The following ARHGEF3 variants were observed in gnomAD, a reference collection of about 807,000 sequenced individuals.
ARHGEF3 encodes the protein 59.8 kDA protein.
In ARHGEF3, 28 loss-of-function variants were observed where a neutral mutation model predicts 63.2. That is an observed-to-expected ratio of 0.44 (90% CI 0.33 to 0.61). The LOEUF is 0.61. Ranked by LOEUF, ARHGEF3 falls within the 20% of genes least tolerant of loss-of-function variation. The pLI, the probability that ARHGEF3 is intolerant of heterozygous loss-of-function variation, is 0.03. For missense variants in ARHGEF3, 533 were observed against 659.3 expected, an observed-to-expected ratio of 0.81 and a Z score of 2.10; for synonymous variants, 266 against 254.2, an observed-to-expected ratio of 1.05 and a Z score of -0.44.
chr3:56,912,391 T>C (rs191380360), intron 3 of ARHGEF3, among the ~76,000 whole-genome samples: 8 of 152,322 alleles, frequency 5.3e-5, no homozygotes, highest in Admixed American at 2.0e-4. Flanking sequence ...TTGCACATAA[T>C]AGGAGATCTG....
chr3:56,984,951 G>T (rs1701475492), intron 2 of ARHGEF3, among the ~76,000 whole-genome samples: 1 of 152,196 alleles, frequency 6.6e-6, no homozygotes, highest in South Asian at 2.1e-4. Flanking sequence ...TACCCTTCCA[G>T]ATACTGGAAA....
At chr3:57,016,275 G>A (rs1217170023) in intron 2 of ARHGEF3, among the ~76,000 whole-genome samples, 3 of 151,996 alleles carry the variant, frequency 2.0e-5, no homozygotes, top group East Asian at 1.9e-4. Flanking sequence ...TGACAAAAAC[G>A]GCCAGGCGCA....
chr3:56,749,140 G>T (rs917264056), intron 6 of ARHGEF3, among the ~76,000 whole-genome samples: 2 of 152,072 alleles, frequency 1.3e-5, no homozygotes, highest in Admixed American at 1.3e-4. Context: ...ATAAATAAGG[G>T]CCATTTCTCA....
chr3:57,074,233 T>C (rs766613348), intron 1 of ARHGEF3: 17 of 1,613,902 alleles, frequency 1.1e-5, no homozygotes, highest in Admixed American at 6.7e-5. Context: ...CTCTCTACAG[T>C]ATACTCCAAC....
intron 1 of ARHGEF3, among the ~76,000 whole-genome samples, chr3:56,799,029 TAAAGA>T (rs1244787895): frequency 6.6e-6 from 1 of 152,230 alleles, no homozygotes; most frequent in Non-Finnish European, 1.5e-5. Context: ...ATAGATCTTT[TAAAGA>T]AAATAAAAAT....
chr3:57,042,684 A>ATTTTT (rs1704258131), intron 1 of ARHGEF3, among the ~76,000 whole-genome samples: 4 of 9,866 alleles, frequency 4.1e-4, no homozygotes, highest in Non-Finnish European at 6.6e-4. Context: ...ATATATATAT[A>ATTTTT]TATATATATA....
chr3:56,956,485 C>G (rs1024883640), intron 3 of ARHGEF3, among the ~76,000 whole-genome samples: 1 of 152,190 alleles, frequency 6.6e-6, no homozygotes, highest in African/African-American at 2.4e-5. Flanking sequence ...ATGTATCTAA[C>G]AGGTTCCTTT....
intron 4 of ARHGEF3, among the ~76,000 whole-genome samples, chr3:56,876,085 A>G (rs2040577661): frequency 6.6e-6 from 1 of 152,184 alleles, no homozygotes; most frequent in South Asian, 2.1e-4. Context: ...AACAGCATGC[A>G]TTCCACAAAT....
At chr3:57,063,783 G>C (rs1203025074) in intron 1 of ARHGEF3, among the ~76,000 whole-genome samples, 1 of 152,166 alleles carries the variant, frequency 6.6e-6, no homozygotes, top group Admixed American at 6.5e-5. Flanking sequence ...TGTAGACCTT[G>C]GTAAGAGATA....
intron 4 of ARHGEF3, among the ~76,000 whole-genome samples, chr3:56,869,039 C>T (rs763233321): frequency 6.6e-6 from 1 of 152,086 alleles, no homozygotes; most frequent in Non-Finnish European, 1.5e-5. Context: ...TAGAGCTGAC[C>T]AGCAAAATCG....
intron 3 of ARHGEF3, among the ~76,000 whole-genome samples, chr3:56,920,849 A>G (rs1578847647): frequency 3.3e-5 from 5 of 152,156 alleles, no homozygotes; most frequent in Admixed American, 2.0e-4. Flanking sequence ...TCAGGAGATC[A>G]AGATCATCCT....
At chr3:56,885,390 G>A (rs1300195513) in intron 3 of ARHGEF3, among the ~76,000 whole-genome samples, 1 of 152,134 alleles carries the variant, frequency 6.6e-6, no homozygotes, top group Non-Finnish European at 1.5e-5. Context: ...GTAAGTGGCA[G>A]CTCCTGTTAT....
chr3:56,800,528 T>C (rs958170600), intron 1 of ARHGEF3, among the ~76,000 whole-genome samples: 2 of 152,222 alleles, frequency 1.3e-5, no homozygotes, highest in South Asian at 2.1e-4. Flanking sequence ...CAGAGACTGC[T>C]TGGAGTCCTG....
chr3:56,749,770 C>T lies in ARHGEF3; in HGVS notation c.612+1286G>A, dbSNP rs756846625. Among the ~76,000 whole-genome samples, 20 of 152,306 alleles carry T rather than the reference C, an allele frequency of 1.3e-4. No individual in the cohort carries two copies. In the East Asian group the frequency reaches 2.1e-3, roughly 16 times the overall value. On this transcript the variant is annotated intron_variant, in intron 6 of 9. Coordinates refer to ENST00000296315, the MANE Select transcript of ARHGEF3 (RefSeq NM_019555.3). ...TCATCTTAGAACATTACTTGCCTTTCGGATACCTTTGGGATATTTCAGCCT... is the reference window on the plus strand; with the variant it reads ...TCATCTTAGAACATTACTTGCCTTTTGGATACCTTTGGGATATTTCAGCCT...
At chr3:56,959,378 C>T (rs1471127225) in intron 2 of ARHGEF3, among the ~76,000 whole-genome samples, 1 of 152,166 alleles carries the variant, frequency 6.6e-6, no homozygotes, top group Non-Finnish European at 1.5e-5. Flanking sequence ...CAAGCTGAAA[C>T]TGGTTTCCTC....
intron 2 of ARHGEF3, among the ~76,000 whole-genome samples, chr3:56,967,955 A>G (rs1700661072): frequency 4.4e-5 from 3 of 67,552 alleles, no homozygotes; most frequent in Non-Finnish European, 7.6e-5. Context: ...TATATTATAT[A>G]TATAAAATAT....
intron 3 of ARHGEF3, among the ~76,000 whole-genome samples, chr3:56,883,620 TA>T (rs2040837568): frequency 6.6e-6 from 1 of 152,128 alleles, no homozygotes; most frequent in African/African-American, 2.4e-5. Context: ...TAGAAGAAAA[TA>T]AATGTAATCT....
chr3:56,972,000 A>C (rs1250303498), intron 2 of ARHGEF3, among the ~76,000 whole-genome samples: 1 of 151,968 alleles, frequency 6.6e-6, no homozygotes, highest in Non-Finnish European at 1.5e-5. Context: ...CTCCTGAGAG[A>C]CCTTATCTCA....
chr3:56,731,972 C>A, intron 9 of ARHGEF3: 1 of 591,602 alleles, frequency 1.7e-6, no homozygotes. Flanking sequence ...GGAGCACTAA[C>A]TATGTGCAGA....
Sources: allele counts gnomAD v4.1 joint callset (sites outside exome capture counted in the v4.1 genomes callset), GRCh38; gene constraint gnomAD v4.1.1; transcripts MANE v1.5; gene names NCBI Gene and HGNC (gene_info 2026-07-23, HGNC 2026-07-21).